The following PLPP4 variants were observed in gnomAD, a reference collection of about 807,000 sequenced individuals.
PLPP4 encodes the protein phospholipid phosphatase 4.
A neutral mutation model predicts 32.2 loss-of-function variants in PLPP4; 20 were observed. That is an observed-to-expected ratio of 0.62 (90% CI 0.44 to 0.90). The LOEUF (loss-of-function observed/expected upper bound fraction) is 0.90, where lower values mean the gene tolerates loss of function less well. Among genes scored for constraint, PLPP4 ranks in the 40% least tolerant of loss-of-function variants. The probability of loss-of-function intolerance (pLI) is 0.00; values close to 1 mark genes in which losing one functional copy is unlikely to be tolerated. For missense variants in PLPP4, 257 were observed against 353.1 expected (o/e 0.73, Z 2.18); for synonymous variants, 127 against 133.0 (o/e 0.95, Z 0.31).
At chr10:120,542,513 A>C (rs903168907) in intron 5 of PLPP4, among the ~76,000 whole-genome samples, 1 of 152,202 alleles carries the variant, frequency 6.6e-6, no homozygotes, top group African/African-American at 2.4e-5. Context: ...GGTCTCCTCC[A>C]AAATGTTTAT....
chr10:120,476,451 G>A (rs569884844), intron 1 of PLPP4, among the ~76,000 whole-genome samples: 1 of 152,304 alleles, frequency 6.6e-6, no homozygotes, highest in African/African-American at 2.4e-5. Flanking sequence ...TGATGCTCGG[G>A]GAAGGAAGTC....
At chr10:120,522,807 G>C (rs536058646) in intron 5 of PLPP4, among the ~76,000 whole-genome samples, 6 of 152,270 alleles carry the variant, frequency 3.9e-5, no homozygotes, top group African/African-American at 1.4e-4. Flanking sequence ...TGATGAGATG[G>C]ATATGGTAAC....
chr10:120,587,751 CT>C (rs1849828666), intron 6 of PLPP4, among the ~76,000 whole-genome samples: 1 of 152,214 alleles, frequency 6.6e-6, no homozygotes, highest in Non-Finnish European at 1.5e-5. Context: ...AGATACATTT[CT>C]TTAATGACCA....
rs569831207 is a variant in PLPP4 at position 120,568,425 on chromosome 10, A to G, written c.446-6706A>G. The stretch of plus-strand genomic sequence containing the variant: ...GTTTAGAAGAGAGCAAGGCAGTAAC[A>G]ATCATTACAACCTAAGGGCTTCTCC... On this transcript the variant is annotated intron_variant, in intron 5 of 6. Transcript: ENST00000398250. 4.6e-5 allele frequency among the ~76,000 whole-genome samples: 7 copies of G among 152,312 alleles called. No homozygotes were observed. In the East Asian group the frequency reaches 1.4e-3, roughly 29 times the overall value.
chr10:120,458,414 G>C (rs1044946526), intron 1 of PLPP4, among the ~76,000 whole-genome samples: 2 of 152,066 alleles, frequency 1.3e-5, no homozygotes, highest in Non-Finnish European at 2.9e-5. Flanking sequence ...AAGCCCTCCC[G>C]AGCCAAACAG....
chr10:120,509,971 G>A (rs920317762), intron 2 of PLPP4, among the ~76,000 whole-genome samples: 7 of 152,164 alleles, frequency 4.6e-5, no homozygotes, highest in Admixed American at 4.6e-4. Context: ...AGATGGTCTG[G>A]GTGCAACTCC....
intron 6 of PLPP4, among the ~76,000 whole-genome samples, chr10:120,580,601 CCT>C (rs1849449146): frequency 6.7e-6 from 1 of 150,088 alleles, no homozygotes; most frequent in Non-Finnish European, 1.5e-5. Flanking sequence ...CCTTCCCTCC[CCT>C]CTGTCTCTGT....
intron 1 of PLPP4, among the ~76,000 whole-genome samples, chr10:120,496,095 G>C: frequency 6.6e-6 from 1 of 152,096 alleles, no homozygotes; most frequent in East Asian, 1.9e-4. Context: ...TTTATAGTTG[G>C]GAAAAAGGAT....
intron 6 of PLPP4, among the ~76,000 whole-genome samples, chr10:120,582,862 G>A (rs1849584447): frequency 6.9e-6 from 1 of 145,594 alleles, no homozygotes; most frequent in Non-Finnish European, 1.5e-5. Context: ...TACCCGGCGT[G>A]TTCTCCACTG....
At chr10:120,535,639 A>C (rs1447454792) in intron 5 of PLPP4, among the ~76,000 whole-genome samples, 1 of 152,118 alleles carries the variant, frequency 6.6e-6, no homozygotes, top group Non-Finnish European at 1.5e-5. Context: ...GTTCATAGGC[A>C]CATTCATATT....
At chr10:120,500,146 T>G (rs754145450) in intron 1 of PLPP4, among the ~76,000 whole-genome samples, 36 of 152,152 alleles carry the variant, frequency 2.4e-4, no homozygotes, top group Non-Finnish European at 4.9e-4. Flanking sequence ...TGGCTGCAGC[T>G]ACTCAGGGTA....
At chr10:120,466,955 A>G (rs1020598294) in intron 1 of PLPP4, among the ~76,000 whole-genome samples, 1 of 152,232 alleles carries the variant, frequency 6.6e-6, no homozygotes, top group African/African-American at 2.4e-5. Context: ...AATAATGACA[A>G]TGAAATAGTG....
chr10:120,535,902 C>G (rs1187765566), intron 5 of PLPP4, among the ~76,000 whole-genome samples: 1 of 152,072 alleles, frequency 6.6e-6, no homozygotes, highest in East Asian at 1.9e-4. Flanking sequence ...TTTCAAATTA[C>G]TGACTTGTAA....
intron 1 of PLPP4, among the ~76,000 whole-genome samples, chr10:120,459,877 G>A (rs2133765987): frequency 6.6e-6 from 1 of 152,270 alleles, no homozygotes; most frequent in East Asian, 1.9e-4. Context: ...GATTCCAAGT[G>A]AGAGCTAAGA....
chr10:120,522,472 C>T (rs1846196212), intron 5 of PLPP4, among the ~76,000 whole-genome samples: 1 of 152,206 alleles, frequency 6.6e-6, no homozygotes, highest in Admixed American at 6.5e-5. Context: ...CTAAGGACAC[C>T]AGCTCTGACA....
chr10:120,573,816 T>C (rs948038197), intron 5 of PLPP4, among the ~76,000 whole-genome samples: 2 of 152,168 alleles, frequency 1.3e-5, no homozygotes, highest in African/African-American at 4.8e-5. Context: ...AGATTCTAAC[T>C]CAGCAGGTGT....
intron 6 of PLPP4, among the ~76,000 whole-genome samples, chr10:120,577,671 C>T (rs574544490): frequency 5.6e-4 from 85 of 152,346 alleles, no homozygotes; most frequent in African/African-American, 2.0e-3. Flanking sequence ...CAAACAAAAA[C>T]TGCGTCATGG....
At chr10:120,508,585 C>T (rs969676958) in intron 2 of PLPP4, among the ~76,000 whole-genome samples, 1 of 152,168 alleles carries the variant, frequency 6.6e-6, no homozygotes, top group African/African-American at 2.4e-5. Flanking sequence ...AGAAGCGCCC[C>T]GGCAGTGTGG....
rs947052728 is a variant in PLPP4 at position 120,518,353 on chromosome 10, C to T, written c.257-480C>T. 3.9e-5 allele frequency among the ~76,000 whole-genome samples: 6 copies of T among 152,176 alleles called. No homozygotes were observed. The East Asian group carries it at 9.6e-4, about 24-fold the overall frequency. On this transcript the variant is annotated intron_variant, in intron 3 of 6. Transcript: ENST00000398250. ...TGATAACAAATGGACAGCTGTCGGC[C>T]GGTGATGGGTCAATAATGAGATAAT...
Sources: gnomAD v4.1 joint callset for allele counts (sites outside exome capture counted in the v4.1 genomes callset) on GRCh38, gnomAD v4.1.1 for gene constraint, MANE v1.5 for transcripts, NCBI Gene and HGNC (gene_info 2026-07-23, HGNC 2026-07-21) for gene names.